The following LGR6 variants were observed in gnomAD, a reference collection of about 807,000 sequenced individuals.
LGR6 encodes the protein leucine-rich repeat-containing G protein-coupled receptor 6.
Under a neutral mutation model 69.4 loss-of-function variants are expected in LGR6, and 45 were observed. That is an observed-to-expected ratio of 0.65 (90% confidence interval 0.51 to 0.83). LGR6 has a LOEUF of 0.83. Ranked by LOEUF, LGR6 falls within the 40% of genes least tolerant of loss-of-function variation. The probability of loss-of-function intolerance (pLI) is 0.00; values close to 1 mark genes in which losing one functional copy is unlikely to be tolerated. For missense variants in LGR6, 1,108 were observed against 1,246.7 expected (o/e 0.89, Z 1.68); for synonymous variants, 538 against 555.0 (o/e 0.97, Z 0.43).
In LGR6 at chr1:202,268,282, C is replaced by G. The variant is rs188992273; in HGVS notation, c.429-8024C>G. Among the ~76,000 whole-genome samples, 1 of 152,258 alleles carries G rather than the reference C, an allele frequency of 6.6e-6. No individual in the cohort carries two copies. The highest frequency in any genetic ancestry group is 1.9e-4 in the East Asian group (1 of 5,162). The stretch of plus-strand genomic sequence containing the variant: ...TGGTGTGGGAGGCTGGGCCCTGCCG[C>G]CTATGGAAGGCCCAAGGGCATCTCC... On this transcript the variant is annotated intron_variant, in intron 4 of 17. Coordinates refer to ENST00000367278, the MANE Select transcript of LGR6 (RefSeq NM_001017403.2). This position sits in a 1 kb window ranked among gnomAD's most constrained non-coding sequence, Gnocchi z 4.4.
chr1:202,257,911 C>T (rs1336511751), intron 4 of LGR6, among the ~76,000 whole-genome samples: 1 of 152,022 alleles, frequency 6.6e-6, no homozygotes, highest in Non-Finnish European at 1.5e-5. Flanking sequence ...TGAGTATTGC[C>T]ATCTTAACAA....
intron 1 of LGR6, among the ~76,000 whole-genome samples, chr1:202,211,463 G>A (rs1315459114): frequency 1.3e-5 from 2 of 152,160 alleles, no homozygotes; most frequent in Non-Finnish European, 2.9e-5. Context: ...CCAGGTTCAA[G>A]CAATTCTCCT....
chr1:202,228,126 C>T, intron 3 of LGR6, 119 bp downstream of exon 3: 2 of 627,938 alleles, frequency 3.2e-6, no homozygotes, highest in Non-Finnish European at 5.6e-6. Flanking sequence ...TCCTTATCTT[C>T]ACTTTCAGTT....
At chr1:202,254,669 G>A (rs922722732) in intron 4 of LGR6, among the ~76,000 whole-genome samples, 1 of 152,224 alleles carries the variant, frequency 6.6e-6, no homozygotes, top group Admixed American at 6.5e-5. Flanking sequence ...TATAGCTGGT[G>A]CATATGCAAA....
chr1:202,319,334 C>A lies in LGR6; in HGVS notation c.*127C>A, dbSNP rs788792. The A allele has an allele frequency of 0.61, 646,926 of 1,056,746 alleles. 202,049 individuals are homozygous for A. Among genetic ancestry groups the A allele is most frequent in the East Asian group, 0.74 (27,937 of 37,932 alleles). 65.5% of individuals were successfully genotyped at this position (1,056,746 alleles called of 1,614,324 possible). Reference sequence around the variant, plus strand: ...GTGATCTATAGCAGGATGGCCCAGTCCCTGGCTCCACTGATCACCTCTCTC... The same window carrying A: ...GTGATCTATAGCAGGATGGCCCAGTACCTGGCTCCACTGATCACCTCTCTC... On this transcript the variant is annotated 3_prime_UTR_variant, in exon 18 of 18. Transcript: ENST00000367278.
At chr1:202,240,839 C>G (rs7524808) in intron 4 of LGR6, among the ~76,000 whole-genome samples, 1 of 151,932 alleles carries the variant, frequency 6.6e-6, no homozygotes, top group Admixed American at 6.5e-5. Context: ...CATTCCATAC[C>G]TCTGACCTTC....
intron 14 of LGR6, among the ~76,000 whole-genome samples, chr1:202,308,458 G>A (rs1653443268): frequency 6.6e-6 from 1 of 152,186 alleles, no homozygotes; most frequent in Admixed American, 6.5e-5. Context: ...CTTAGCGTTT[G>A]GTTTGGAACC....
At chr1:202,222,088 G>A (rs1472972370) in intron 1 of LGR6, among the ~76,000 whole-genome samples, 1 of 152,248 alleles carries the variant, frequency 6.6e-6, no homozygotes, top group African/African-American at 2.4e-5. Context: ...CCCAGGGCTG[G>A]TGGCATTGGC....
intron 1 of LGR6, among the ~76,000 whole-genome samples, chr1:202,221,477 AT>A (rs1322734911): frequency 6.6e-6 from 1 of 151,730 alleles, no homozygotes; most frequent in African/African-American, 2.4e-5. Context: ...TCTCCTCTCC[AT>A]TCCCCTCCTG....
intron 4 of LGR6, among the ~76,000 whole-genome samples, chr1:202,253,241 G>C (rs1273721862): frequency 6.6e-6 from 1 of 152,022 alleles, no homozygotes; most frequent in Non-Finnish European, 1.5e-5. Context: ...ATGAGATGAC[G>C]TATAGGAAGA....
chr1:202,273,653 C>T (rs547186272), intron 4 of LGR6, among the ~76,000 whole-genome samples: 3 of 151,756 alleles, frequency 2.0e-5, no homozygotes, highest in East Asian at 1.9e-4. Flanking sequence ...GACGGGGTTT[C>T]GCTATGTTGG....
intron 1 of LGR6, among the ~76,000 whole-genome samples, chr1:202,207,868 T>C (rs183705352): frequency 6.6e-6 from 1 of 152,238 alleles, no homozygotes; most frequent in African/African-American, 2.4e-5. Flanking sequence ...CCTGTGAATA[T>C]GTATTAAGTA....
intron 6 of LGR6, 132 bp from the exon 7 acceptor site, chr1:202,297,376 T>C: frequency 1.4e-6 from 1 of 697,874 alleles, no homozygotes; most frequent in Non-Finnish European, 2.5e-6. Flanking sequence ...TTTCCAGACA[T>C]TGGCCGCTGG....
rs376700653 is a variant in LGR6, at chr1:202,276,487, T to G, written c.610T>G (p.Tyr204Asp). ...CAACCGCATCAGCCACATCCCCGACTACGCGTTCCAGAATCTCACCAGCCT... is the reference window on the plus strand; with the variant it reads ...CAACCGCATCAGCCACATCCCCGACGACGCGTTCCAGAATCTCACCAGCCT... ...ALNRISHIPD[Y>D]AFQNLTSLVV... is the part of the protein sequence containing the mutation. Residue 204 changes from tyrosine (Y) to aspartate (D), a missense_variant, in exon 5 of 18, where the codon TAC (tyrosine) becomes GAC (aspartate). Tyr to Asp is a radical substitution (Grantham distance 160). Coordinates refer to ENST00000367278, the MANE Select transcript of LGR6 (RefSeq NM_001017403.2). The G allele has an allele frequency of 4.9e-5, 79 of 1,614,016 alleles. No individual in the cohort carries two copies. The highest frequency in any genetic ancestry group is 5.7e-5 in the Non-Finnish European group (67 of 1,180,020).
chr1:202,272,890 C>T (rs1665221837), intron 4 of LGR6, among the ~76,000 whole-genome samples: 1 of 152,230 alleles, frequency 6.6e-6, no homozygotes, highest in Non-Finnish European at 1.5e-5. Flanking sequence ...CCTAGCACCT[C>T]CTTATGGTAC....
chr1:202,311,983 TC>T (rs1370727018), intron 16 of LGR6, among the ~76,000 whole-genome samples: 1 of 152,138 alleles, frequency 6.6e-6, no homozygotes, highest in Non-Finnish European at 1.5e-5. Context: ...CAGACAGCTG[TC>T]CCCGGGGGAC....
intron 14 of LGR6, among the ~76,000 whole-genome samples, chr1:202,308,663 G>A (rs1005501085): frequency 5.9e-5 from 9 of 152,150 alleles, no homozygotes; most frequent in South Asian, 2.1e-4. Context: ...GGGGATAAAC[G>A]ACAACAGGAA....
At chr1:202,203,889 TG>T in intron 1 of LGR6, 1 of 1,597,548 alleles carries the variant, frequency 6.3e-7, no homozygotes, top group South Asian at 1.1e-5. Flanking sequence ...AGTTGTTGCA[TG>T]AAGCAAGATC....
At chr1:202,304,321 C>G (rs1728527) in intron 10 of LGR6, among the ~76,000 whole-genome samples, 1 of 152,142 alleles carries the variant, frequency 6.6e-6, no homozygotes, top group African/African-American at 2.4e-5. Flanking sequence ...GGCTGTGGCC[C>G]TCTCTCTCCA....
Sources: gnomAD v4.1 joint callset for allele counts (sites outside exome capture counted in the v4.1 genomes callset) on GRCh38, gnomAD v4.1.1 for gene constraint, Gnocchi (gnomAD v3.1) non-coding constraint, MANE v1.5 for transcripts, NCBI Gene and HGNC (gene_info 2026-07-23, HGNC 2026-07-21) for gene names.